PEPD: variants seen among roughly 807,000 people sequenced by gnomAD.
PEPD encodes peptidase D, also known as xaa-Pro dipeptidase.
In PEPD, 53 loss-of-function variants were observed where a neutral mutation model predicts 60.7. That is an observed-to-expected ratio of 0.87 (90% CI 0.70 to 1.10). PEPD has a LOEUF of 1.10. Ranked by LOEUF, PEPD falls within the 50% of genes least tolerant of loss-of-function variation. The pLI is 0.00. For synonymous variants in PEPD, 267 were observed against 284.1 expected (o/e 0.94, Z 0.60); for missense variants, 711 against 711.9 (o/e 1.00, Z 0.01).
At chr19:33,395,235 T>C (rs886115825) in intron 12 of PEPD, 6 of 152,442 alleles carry the variant, frequency 3.9e-5, no homozygotes, top group African/African-American at 1.4e-4. Flanking sequence ...CCCCTTCCTG[T>C]ACTTTGAGAA....
intron 11 of PEPD, among the ~76,000 whole-genome samples, chr19:33,410,175 G>A (rs547505939): frequency 2.6e-4 from 39 of 152,234 alleles, no homozygotes; most frequent in African/African-American, 9.2e-4. Flanking sequence ...GCCTGCCTCC[G>A]CTTGCACCCT....
chr19:33,442,724 T>A (rs927701507), intron 9 of PEPD, among the ~76,000 whole-genome samples: 27 of 151,624 alleles, frequency 1.8e-4, no homozygotes, highest in South Asian at 8.3e-4. Context: ...ATAAATAAAT[T>A]AATTAAATAA....
chr19:33,427,538 C>A (rs1969177009), intron 9 of PEPD, among the ~76,000 whole-genome samples: 2 of 152,352 alleles, frequency 1.3e-5, no homozygotes, highest in Admixed American at 1.3e-4. Flanking sequence ...TCCAAAAAAT[C>A]CTCCAATCGG....
intron 1 of PEPD, among the ~76,000 whole-genome samples, chr19:33,516,048 A>G (rs1971016841): frequency 6.6e-6 from 1 of 152,164 alleles, no homozygotes; most frequent in African/African-American, 2.4e-5. Flanking sequence ...CCGCCAGAAC[A>G]GAACCCACCC....
At chr19:33,407,579 C>A (rs1600090654) in intron 11 of PEPD, among the ~76,000 whole-genome samples, 1 of 152,212 alleles carries the variant, frequency 6.6e-6, no homozygotes, top group African/African-American at 2.4e-5. Context: ...GCACCTCAAT[C>A]TGTGTGAACA....
At chr19:33,408,802 A>T (rs1324543340) in intron 11 of PEPD, among the ~76,000 whole-genome samples, 1 of 152,142 alleles carries the variant, frequency 6.6e-6, no homozygotes, top group Non-Finnish European at 1.5e-5. Flanking sequence ...TCATGTTGGG[A>T]TAACAGACTG....
chr19:33,494,069 C>A (rs1426182802), intron 4 of PEPD, among the ~76,000 whole-genome samples: 1 of 152,166 alleles, frequency 6.6e-6, no homozygotes, highest in Non-Finnish European at 1.5e-5. Context: ...CTCTACTGCC[C>A]CACTGACAGT....
chr19:33,495,559 T>G (rs187051506), intron 4 of PEPD, among the ~76,000 whole-genome samples: 1 of 152,256 alleles, frequency 6.6e-6, no homozygotes, highest in Non-Finnish European at 1.5e-5. Context: ...CCACAGACTT[T>G]GTCAAGGTTT....
In PEPD at chr19:33,401,821, G is replaced by A; in HGVS notation, c.867C>T (p.Thr289=). ...GEYYCFASDI[T]CSFPANGKFT... ...ACTTGCCGTTGGCGGGAAAGGAGCA[G>A]GTGATGTCGGAAGCGAAGCAGTAAT... The change falls in exon 12 of 15, where the codon ACC becomes ACT. Residue 289 remains threonine, a synonymous_variant. Transcript: ENST00000244137. The A allele has an allele frequency of 1.2e-6, 2 of 1,613,248 alleles. No homozygotes were observed. Among genetic ancestry groups the A allele is most frequent in the South Asian group, 2.2e-5 (2 of 91,056 alleles).
Position 33,387,498 on chromosome 19 carries a change from G to A in PEPD, c.1345-17C>T, listed in dbSNP as rs370471235. On this transcript the variant is annotated splice_polypyrimidine_tract_variant and intron_variant, in intron 14 of 14. Coordinates refer to ENST00000244137, the MANE Select transcript of PEPD (RefSeq NM_000285.4). ...GATGCGGACCTGGGTCAAGCCGACA[G>A]ACACACATTATCATAGAGCAGCCTC... 19 of 1,612,912 alleles carry A rather than the reference G, an allele frequency of 1.2e-5. No homozygotes were observed. The highest frequency in any genetic ancestry group is 2.7e-5 in the African/African-American group (2 of 74,964).
rs555238351 is a variant in PEPD at position 33,387,097 on chromosome 19, A to AATC, written c.*244_*246dup. Reference sequence around the variant, plus strand: ...GCTACTAAAGAACAGCATTATTTTCAATCATTTTAAGTCGCTCATTTAATA... The same window carrying AATC: ...GCTACTAAAGAACAGCATTATTTTCAATCATCATTTTAAGTCGCTCATTTAATA... On this transcript the variant is annotated 3_prime_UTR_variant, in exon 15 of 15. Coordinates refer to ENST00000244137, the MANE Select transcript of PEPD (RefSeq NM_000285.4). 133 of 552,052 alleles carry AATC rather than the reference A, an allele frequency of 2.4e-4. No homozygotes were observed. The highest frequency in any genetic ancestry group is 1.9e-3 in the African/African-American group (104 of 53,420). The allele number at this position is 552,052 out of a possible 1,614,324, so 34.2% of individuals were successfully genotyped here.
At chr19:33,501,173 G>A (rs1451671943) in intron 3 of PEPD, among the ~76,000 whole-genome samples, 172 bp from the exon 4 acceptor site, 2 of 152,114 alleles carry the variant, frequency 1.3e-5, no homozygotes, top group Non-Finnish European at 2.9e-5. Context: ...ACACTTGGAG[G>A]GCAAAGGCCA....
In PEPD at chr19:33,417,218, C is replaced by A. The variant is rs73586236; in HGVS notation, c.672-3575G>T. Among the ~76,000 whole-genome samples, 701 of 152,356 alleles carry A rather than the reference C, an allele frequency of 4.6e-3. 7 individuals carry two copies. The highest frequency in any genetic ancestry group is 0.016 in the African/African-American group (659 of 41,586). ...GAGGCAGTGTAAGGGGTGGCCCTGG[C>A]CACATCATTCCCTTTCCCCGGCTGG... On this transcript the variant is annotated intron_variant, in intron 9 of 14. Coordinates refer to ENST00000244137, the MANE Select transcript of PEPD (RefSeq NM_000285.4).
At chr19:33,509,993 A>G (rs575219491) in intron 3 of PEPD, among the ~76,000 whole-genome samples, 157 of 152,324 alleles carry the variant, frequency 1.0e-3, no homozygotes, top group African/African-American at 1.8e-3. Context: ...CCAGCATATC[A>G]GCGATGGGCC....
intron 4 of PEPD, among the ~76,000 whole-genome samples, chr19:33,494,243 G>A (rs1338967823): frequency 6.6e-6 from 1 of 152,112 alleles, no homozygotes; most frequent in Non-Finnish European, 1.5e-5. Flanking sequence ...CACAGCCCTC[G>A]CCTCTCCCCA....
chr19:33,450,537 G>C (rs990165586), intron 9 of PEPD, among the ~76,000 whole-genome samples: 2 of 152,124 alleles, frequency 1.3e-5, no homozygotes, highest in African/African-American at 2.4e-5. Flanking sequence ...GACAACAAAA[G>C]AACCCTCCAA....
In PEPD at chr19:33,403,617, G is replaced by A. The variant is rs1369490443; in HGVS notation, c.819-1748C>T. 2.0e-5 allele frequency among the ~76,000 whole-genome samples: 3 copies of A among 152,342 alleles called. No individual in the cohort carries two copies. The East Asian group carries it at 5.8e-4, about 29-fold the overall frequency. ...GTGGAGGACCCTGGCCTCATGTGGA[G>A]CAAGGAGCAGGGCCACGTGGCTGGA... On this transcript the variant is annotated intron_variant, in intron 11 of 14. Coordinates refer to ENST00000244137, the MANE Select transcript of PEPD (RefSeq NM_000285.4).
chr19:33,391,219 G>A (rs1028974015), intron 13 of PEPD, 76 bp downstream of exon 13: 2 of 1,217,014 alleles, frequency 1.6e-6, no homozygotes, highest in Admixed American at 3.8e-5. Flanking sequence ...GCCTCCTAGA[G>A]TCCCACCCTG....
intron 4 of PEPD, among the ~76,000 whole-genome samples, chr19:33,496,018 A>C (rs1970596006): frequency 6.6e-6 from 1 of 152,128 alleles, no homozygotes; most frequent in Admixed American, 6.6e-5. Context: ...CAAAAGGTTC[A>C]GCTGTGTCCC....
Sources: gnomAD v4.1 joint callset for allele counts (sites outside exome capture counted in the v4.1 genomes callset) on GRCh38, gnomAD v4.1.1 for gene constraint, MANE v1.5 for transcripts, NCBI Gene and HGNC (gene_info 2026-07-23, HGNC 2026-07-21) for gene names.